SPOCK3: variants seen among roughly 807,000 people sequenced by gnomAD.
SPOCK3 encodes testican-3.
In SPOCK3, 30 loss-of-function variants were observed where a neutral mutation model predicts 56.6. The observed-to-expected ratio is 0.53, with a 90% CI of 0.40 to 0.72. The LOEUF (loss-of-function observed/expected upper bound fraction) is 0.72. Ranked by LOEUF, SPOCK3 falls within the 30% of genes least tolerant of loss-of-function variation. The pLI is 0.00. For missense variants in SPOCK3, 527 were observed against 530.0 expected, an observed-to-expected ratio of 0.99 and a Z score of 0.06; for synonymous variants, 196 against 183.3, an observed-to-expected ratio of 1.07 and a Z score of -0.56.
intron 2 of SPOCK3, among the ~76,000 whole-genome samples, chr4:167,170,895 A>G (rs1231640993): frequency 6.6e-6 from 1 of 152,136 alleles, no homozygotes; most frequent in African/African-American, 2.4e-5. Context: ...CTGACAGTAC[A>G]GTGGTCCCTG....
intron 3 of SPOCK3, among the ~76,000 whole-genome samples, chr4:167,017,911 A>G (rs1450019520): frequency 6.6e-6 from 1 of 151,890 alleles, no homozygotes; most frequent in Non-Finnish European, 1.5e-5. Flanking sequence ...GATTAGATTG[A>G]ATTATTTTAT....
chr4:167,015,037 A>G (rs577385670), intron 3 of SPOCK3, among the ~76,000 whole-genome samples: 1 of 152,118 alleles, frequency 6.6e-6, no homozygotes, highest in East Asian at 1.9e-4. Flanking sequence ...AGGACAACAA[A>G]ACCATGCAAT....
chr4:167,147,164 C>G (rs2066106487), intron 2 of SPOCK3, among the ~76,000 whole-genome samples: 1 of 152,144 alleles, frequency 6.6e-6, no homozygotes, highest in Non-Finnish European at 1.5e-5. Flanking sequence ...AAACTACCAT[C>G]AGAGAATATT....
intron 2 of SPOCK3, among the ~76,000 whole-genome samples, chr4:167,091,537 C>G (rs1758702020): frequency 6.6e-6 from 1 of 152,098 alleles, no homozygotes; most frequent in Non-Finnish European, 1.5e-5. Flanking sequence ...AATACTGTAT[C>G]TCTTCATATA....
chr4:166,781,500 A>T (rs1022030915), intron 7 of SPOCK3, among the ~76,000 whole-genome samples: 10 of 152,130 alleles, frequency 6.6e-5, no homozygotes, highest in Admixed American at 1.3e-4. Context: ...GGAGGAAAAC[A>T]GAACTTAATA....
At chr4:166,784,119 A>AAT (rs1269312521) in intron 7 of SPOCK3, among the ~76,000 whole-genome samples, 1 of 152,126 alleles carries the variant, frequency 6.6e-6, no homozygotes, top group African/African-American at 2.4e-5. Context: ...CATTTCATTC[A>AAT]CCCAGTGAGA....
chr4:166,848,703 C>T (rs1288613942), intron 6 of SPOCK3, among the ~76,000 whole-genome samples: 12 of 152,154 alleles, frequency 7.9e-5, no homozygotes, highest in Non-Finnish European at 1.3e-4. Context: ...ATGTGAGGCG[C>T]TTGTGCAGGT....
At chr4:167,084,278 C>T (rs549336424) in intron 2 of SPOCK3, among the ~76,000 whole-genome samples, 83 of 152,142 alleles carry the variant, frequency 5.5e-4, no homozygotes, top group African/African-American at 1.9e-3. Context: ...CTCTGTCAAC[C>T]TCCAAACAGG....
chr4:167,089,019 A>G (rs1245177914), intron 2 of SPOCK3, among the ~76,000 whole-genome samples: 4 of 152,162 alleles, frequency 2.6e-5, no homozygotes, highest in African/African-American at 9.7e-5. Flanking sequence ...TAATTCATCA[A>G]TTCATTAGGT....
chr4:166,901,315 C>T (rs1455820849), intron 5 of SPOCK3, among the ~76,000 whole-genome samples: 1 of 152,116 alleles, frequency 6.6e-6, no homozygotes, highest in Non-Finnish European at 1.5e-5. Context: ...TGAGATCTGA[C>T]AGCAGGCTGG....
Position 167,000,410 on chromosome 4 carries a change from C to A in SPOCK3, c.289G>T (p.Val97Leu). 5.0e-6 allele frequency: 8 copies of A among 1,609,362 alleles called. No individual in the cohort carries two copies. The highest frequency in any genetic ancestry group is 6.8e-6 in the Non-Finnish European group (8 of 1,177,476). Residue 97 changes from valine (V) to leucine (L), a missense_variant, in exon 4 of 11, where the codon GTA becomes TTA. By Grantham distance (32) the Val-to-Leu change is conservative. Transcript: ENST00000357545. ...GTCTGAGAATCTTGAGCAATGCATA[C>A]TTTATGGCGACTACATTTCATCTTT... ...CLKMKCSRHK[V>L]CIAQDSQTAV...
intron 2 of SPOCK3, among the ~76,000 whole-genome samples, chr4:167,180,646 C>G (rs1322847127): frequency 6.6e-6 from 1 of 151,974 alleles, no homozygotes; most frequent in Non-Finnish European, 1.5e-5. Context: ...AATCAATAAC[C>G]TGGTTGGTGG....
At chr4:166,817,037 G>A (rs758271298) in intron 6 of SPOCK3, among the ~76,000 whole-genome samples, 3 of 151,980 alleles carry the variant, frequency 2.0e-5, no homozygotes, top group Non-Finnish European at 4.4e-5. Context: ...ATGAATATTG[G>A]CAGAAGGCCC....
chr4:167,109,333 T>C (rs1325837464), intron 2 of SPOCK3, among the ~76,000 whole-genome samples: 1 of 83,350 alleles, frequency 1.2e-5, no homozygotes, highest in Non-Finnish European at 2.1e-5. Flanking sequence ...TAATATATAT[T>C]AATATTATAT....
At chr4:167,156,478 T>C (rs1412137465) in intron 2 of SPOCK3, among the ~76,000 whole-genome samples, 1 of 152,188 alleles carries the variant, frequency 6.6e-6, no homozygotes, top group Non-Finnish European at 1.5e-5. Flanking sequence ...GCATGAGTGT[T>C]AATCTTTCAG....
intron 3 of SPOCK3, among the ~76,000 whole-genome samples, chr4:167,033,760 A>C (rs1752487999): frequency 6.6e-6 from 1 of 152,020 alleles, no homozygotes; most frequent in Non-Finnish European, 1.5e-5. Flanking sequence ...AGATGAATTT[A>C]AGGTTGCTGT....
intron 2 of SPOCK3, among the ~76,000 whole-genome samples, chr4:167,207,616 C>A (rs1415557713): frequency 6.6e-6 from 1 of 151,968 alleles, no homozygotes; most frequent in East Asian, 1.9e-4. Context: ...TAAAATATTT[C>A]TTCTAATATC....
intron 5 of SPOCK3, among the ~76,000 whole-genome samples, chr4:166,905,421 T>C (rs891860277): frequency 5.3e-5 from 8 of 152,022 alleles, no homozygotes; most frequent in Non-Finnish European, 1.2e-4. Flanking sequence ...TTTTTTAGTA[T>C]ATAGTAACAA....
intron 6 of SPOCK3, among the ~76,000 whole-genome samples, chr4:166,878,389 A>G (rs1407193387): frequency 6.6e-6 from 1 of 152,072 alleles, no homozygotes; most frequent in Non-Finnish European, 1.5e-5. Flanking sequence ...ATTTCATGAA[A>G]ATTTGGCTCC....
Sources: allele counts gnomAD v4.1 joint callset (sites outside exome capture counted in the v4.1 genomes callset), GRCh38; gene constraint gnomAD v4.1.1; transcripts MANE v1.5; gene names NCBI Gene and HGNC (gene_info 2026-07-23, HGNC 2026-07-21).